GATAD2B: variants seen among roughly 807,000 people sequenced by gnomAD.
GATAD2B encodes the protein transcriptional repressor p66-beta.
GATAD2B carries 8 observed loss-of-function variants against 64.3 expected under a neutral mutation model. The observed-to-expected ratio is 0.12, with a 90% CI of 0.07 to 0.22. GATAD2B has a LOEUF of 0.22. Among genes scored for constraint, GATAD2B ranks in the 10% least tolerant of loss-of-function variants. The pLI is 1.00. For synonymous variants in GATAD2B, 281 were observed against 271.3 expected (o/e 1.04, Z -0.35); for missense variants, 453 against 752.0 (o/e 0.60, Z 4.65).
intron 1 of GATAD2B, among the ~76,000 whole-genome samples, chr1:153,905,139 C>T (rs1422529217): frequency 6.6e-6 from 1 of 152,186 alleles, no homozygotes; most frequent in Non-Finnish European, 1.5e-5. Context: ...AGCCACTGCA[C>T]CTGGCCAAGA....
chr1:153,813,848 C>T (rs1057256776), intron 7 of GATAD2B, among the ~76,000 whole-genome samples: 10 of 152,094 alleles, frequency 6.6e-5, no homozygotes, highest in Non-Finnish European at 1.3e-4. Flanking sequence ...CGTGGTGGCA[C>T]GCGCCTGTAA....
chr1:153,833,883 T>G (rs1009137148), intron 1 of GATAD2B, among the ~76,000 whole-genome samples: 1 of 150,386 alleles, frequency 6.6e-6, no homozygotes, highest in African/African-American at 2.4e-5. Context: ...CTCACAAAAG[T>G]AATTCCAGTG....
At chr1:153,903,320 G>A (rs979242611) in intron 1 of GATAD2B, among the ~76,000 whole-genome samples, 2 of 151,898 alleles carry the variant, frequency 1.3e-5, no homozygotes, top group African/African-American at 4.8e-5. Context: ...ATCATTTTTC[G>A]AGACAATAGG....
At chr1:153,822,850 T>C (rs1039276733) in intron 2 of GATAD2B, among the ~76,000 whole-genome samples, 11 of 152,282 alleles carry the variant, frequency 7.2e-5, no homozygotes, top group East Asian at 1.9e-4. Flanking sequence ...TCTCACTCTG[T>C]CACCCAGGAA....
At chr1:153,900,276 G>A (rs1677725871) in intron 1 of GATAD2B, among the ~76,000 whole-genome samples, 1 of 151,966 alleles carries the variant, frequency 6.6e-6, no homozygotes, top group Non-Finnish European at 1.5e-5. Context: ...AAAATTAGCT[G>A]GACGTGGTGG....
At chr1:153,825,137 T>C (rs552990452) in intron 2 of GATAD2B, among the ~76,000 whole-genome samples, 1 of 152,194 alleles carries the variant, frequency 6.6e-6, no homozygotes, top group African/African-American at 2.4e-5. Context: ...AAAGTTCCAA[T>C]TTGGAATGTG....
chr1:153,828,864 A>G (rs1674980027), intron 1 of GATAD2B, among the ~76,000 whole-genome samples: 1 of 152,142 alleles, frequency 6.6e-6, no homozygotes, highest in South Asian at 2.1e-4. Context: ...CGACAAGCTA[A>G]TTAATCATTA....
intron 1 of GATAD2B, among the ~76,000 whole-genome samples, chr1:153,876,485 T>C (rs1326740187): frequency 6.6e-6 from 1 of 152,198 alleles, no homozygotes; most frequent in Non-Finnish European, 1.5e-5. Context: ...TTGGCTCACA[T>C]TCTTGAAAGA....
intron 1 of GATAD2B, among the ~76,000 whole-genome samples, chr1:153,891,879 T>C (rs1459467527): frequency 2.6e-5 from 4 of 151,758 alleles, no homozygotes; most frequent in Non-Finnish European, 4.4e-5. Flanking sequence ...GGACAGAGTT[T>C]ATGGCCGGGT....
intron 4 of GATAD2B, 138 bp from the exon 5 acceptor site, chr1:153,818,309 GTTTTCTT>G: frequency 5.3e-6 from 3 of 568,800 alleles, no homozygotes; most frequent in Non-Finnish European, 8.4e-6. Context: ...GGGAGTCAAG[GTTTTCTT>G]TTTTTTTTTT....
At chr1:153,848,864 A>G (rs1675781543) in intron 1 of GATAD2B, among the ~76,000 whole-genome samples, 1 of 152,120 alleles carries the variant, frequency 6.6e-6, no homozygotes, top group African/African-American at 2.4e-5. Flanking sequence ...TGAGGCAGAG[A>G]ACTGCTTGAA....
At chr1:153,890,125 T>C (rs1677325546) in intron 1 of GATAD2B, among the ~76,000 whole-genome samples, 1 of 144,806 alleles carries the variant, frequency 6.9e-6, no homozygotes, top group South Asian at 2.2e-4. Flanking sequence ...TGAGCCAAGA[T>C]CGCGCCATTG....
intron 1 of GATAD2B, among the ~76,000 whole-genome samples, chr1:153,883,609 G>A (rs1677069384): frequency 6.6e-6 from 1 of 152,052 alleles, no homozygotes; most frequent in African/African-American, 2.4e-5. Context: ...CTAGTTCCAT[G>A]TTGATGATGG....
chr1:153,845,528 A>G (rs956862452), intron 1 of GATAD2B, among the ~76,000 whole-genome samples: 2 of 151,994 alleles, frequency 1.3e-5, no homozygotes, highest in Non-Finnish European at 2.9e-5. Context: ...GGTGGATCCC[A>G]TGAGCTCAGG....
chr1:153,909,866 TGAAC>T (rs1311691193), intron 1 of GATAD2B, among the ~76,000 whole-genome samples: 1 of 150,046 alleles, frequency 6.7e-6, no homozygotes, highest in Non-Finnish European at 1.5e-5. Context: ...GAGAATCGCC[TGAAC>T]CTGGGAGGCA....
intron 2 of GATAD2B, among the ~76,000 whole-genome samples, chr1:153,824,699 A>G (rs1674808416): frequency 6.6e-6 from 1 of 151,810 alleles, no homozygotes; most frequent in Admixed American, 6.6e-5. Flanking sequence ...ATATAATACA[A>G]TTCCAATACC....
intron 1 of GATAD2B, among the ~76,000 whole-genome samples, chr1:153,875,557 T>C (rs1676797972): frequency 6.6e-6 from 1 of 152,044 alleles, no homozygotes; most frequent in African/African-American, 2.4e-5. Context: ...TACTAAACTC[T>C]GCTTTTGTAA....
intron 2 of GATAD2B, among the ~76,000 whole-genome samples, chr1:153,824,927 T>C (rs1241293780): frequency 6.6e-6 from 1 of 151,942 alleles, no homozygotes; most frequent in Non-Finnish European, 1.5e-5. Context: ...CTACTAAAAA[T>C]ACAAAACAAT....
Position 153,805,793 on chromosome 1 carries a change from G to A in GATAD2B, c.*4384C>T, listed in dbSNP as rs1477903854. 1.3e-5 allele frequency: 2 copies of A among 152,148 alleles called. No individual in the cohort carries two copies. The highest frequency in any genetic ancestry group is 2.9e-5 in the Non-Finnish European group (2 of 68,036). 9.4% of individuals were successfully genotyped at this position (152,148 alleles called of 1,614,324 possible). A position where few individuals can be genotyped will look rare whatever the true frequency, so the allele number is the denominator to read the frequency against. ...CAAAGATCATATAGCAAGTTAGTAGGAGACCCCAGGTCTCCAGATTGTAGC... is the reference window on the plus strand; with the variant it reads ...CAAAGATCATATAGCAAGTTAGTAGAAGACCCCAGGTCTCCAGATTGTAGC... On this transcript the variant is annotated 3_prime_UTR_variant, in exon 11 of 11. Transcript: ENST00000368655.
Sources: gnomAD v4.1 joint callset for allele counts (sites outside exome capture counted in the v4.1 genomes callset) on GRCh38, gnomAD v4.1.1 for gene constraint, MANE v1.5 for transcripts, NCBI Gene and HGNC (gene_info 2026-07-23, HGNC 2026-07-21) for gene names.